The following OTOG variants were observed in gnomAD, a reference collection of about 807,000 sequenced individuals.
OTOG encodes the protein otogelin.
A neutral mutation model predicts 313.8 loss-of-function variants in OTOG; 296 were observed. The observed-to-expected ratio is 0.94, with a 90% CI of 0.86 to 1.04. The LOEUF (loss-of-function observed/expected upper bound fraction) is 1.04. Ranked by LOEUF, OTOG falls within the 50% of genes least tolerant of loss-of-function variation. OTOG has a pLI of 0.00. For synonymous variants in OTOG, 1,533 were observed against 1,554.9 expected, an observed-to-expected ratio of 0.99 and a Z score of 0.33; for missense variants, 3,948 against 3,840.1, an observed-to-expected ratio of 1.03 and a Z score of -0.74.
chr11:17,571,924 T>A (rs990026293), intron 17 of OTOG, among the ~76,000 whole-genome samples, 156 bp from the exon 18 acceptor site: 2 of 152,128 alleles, frequency 1.3e-5, no homozygotes, highest in Non-Finnish European at 2.9e-5. Flanking sequence ...CATATTTGGG[T>A]GAGTACACGT....
intron 4 of OTOG, 105 bp downstream of exon 4, chr11:17,552,180 C>G: frequency 8.9e-7 from 1 of 1,129,214 alleles, no homozygotes; most frequent in Non-Finnish European, 1.3e-6. Flanking sequence ...CCTCCATGAC[C>G]CCTTTTTCCT....
intron 39 of OTOG, among the ~76,000 whole-genome samples, chr11:17,626,948 G>A (rs1441999446): frequency 6.6e-6 from 1 of 152,284 alleles, no homozygotes; most frequent in East Asian, 1.9e-4. Flanking sequence ...AAATGCTACT[G>A]ATTTTTCTAT....
chr11:17,558,256 C>A lies in OTOG; in HGVS notation c.937C>A (p.Pro313Thr), dbSNP rs777809121. The change falls in exon 9 of 56, where the codon CCC becomes ACC. Residue 313 changes from proline (P) to threonine (T), a missense_variant. Physicochemically the swap from Pro to Thr is conservative, Grantham distance 38. Coordinates refer to ENST00000399397, the MANE Select transcript of OTOG (RefSeq NM_001292063.2). ...GCAGGCCCCTAACCAGCCTCCAGGG[C>A]CCACAACTTCCTCCCTGCCTCGCCC... ...QEQAPNQPPG[P>T]TTSSLPRPPC... 63 of 1,550,566 alleles carry A rather than the reference C, an allele frequency of 4.1e-5. No homozygotes were observed. Among genetic ancestry groups the A allele is most frequent in the Non-Finnish European group, 5.3e-5 (61 of 1,147,020 alleles).
intron 22 of OTOG, 136 bp downstream of exon 22, chr11:17,577,047 C>G: frequency 1.1e-6 from 1 of 904,344 alleles, no homozygotes; most frequent in East Asian, 2.7e-5. Context: ...ATTCCTTGCC[C>G]TCTTGGCAAA....
rs531303093 is a variant in OTOG at position 17,640,920 on chromosome 11, C to T, written c.8019C>T (p.Ala2673=). 7.1e-4 allele frequency: 1,098 copies of T among 1,548,388 alleles called. No homozygotes were observed. Among genetic ancestry groups the T allele is most frequent in the Non-Finnish European group, 8.9e-4 (1,020 of 1,146,894 alleles). ...CGCAKYECVK[A]PVCLSRELGV... ...CCCTGCATGCCCATCCAGTGAAGGC[C>T]CCGGTGTGTCTGAGCCGCGAGCTGG... Residue 2673 remains alanine (A), a synonymous_variant, in exon 51 of 56, where the codon GCC becomes GCT. Coordinates refer to ENST00000399397, the MANE Select transcript of OTOG (RefSeq NM_001292063.2).
chr11:17,596,834 C>G lies in OTOG; in HGVS notation c.3526-17C>G. The G allele has an allele frequency of 6.5e-7, 1 of 1,549,584 alleles. No individual in the cohort carries two copies. Among genetic ancestry groups the G allele is most frequent in the South Asian group, 1.2e-5 (1 of 83,858 alleles). On this transcript the variant is annotated splice_polypyrimidine_tract_variant and intron_variant, in intron 29 of 55. Coordinates refer to ENST00000399397, the MANE Select transcript of OTOG (RefSeq NM_001292063.2). ...TTGGGATCTGTCCTCTGACCTCTAA[C>G]TTCTGACCTTCTCCAGGTTGATGTC... is the stretch of plus-strand genomic sequence containing the variant.
At chr11:17,596,519 C>A (rs1047592315) in intron 29 of OTOG, among the ~76,000 whole-genome samples, 1 of 152,208 alleles carries the variant, frequency 6.6e-6, no homozygotes, top group African/African-American at 2.4e-5. Flanking sequence ...TGCATGGCAC[C>A]CTGCAGGCCT....
intron 24 of OTOG, among the ~76,000 whole-genome samples, chr11:17,589,480 A>T (rs913242234): frequency 3.9e-4 from 59 of 152,296 alleles, no homozygotes; most frequent in African/African-American, 1.4e-3. Flanking sequence ...TCTAAAGTGA[A>T]GTTCCTTCAC....
At chr11:17,547,543 G>T in intron 1 of OTOG, 77 bp downstream of exon 1, 1 of 1,275,700 alleles carries the variant, frequency 7.8e-7, no homozygotes, top group African/African-American at 1.5e-5. Flanking sequence ...ATGGGCCCGC[G>T]CAGGTTGGAG....
At chr11:17,548,264 T>A in intron 3 of OTOG, 52 bp downstream of exon 3, 1 of 1,464,012 alleles carries the variant, frequency 6.8e-7, no homozygotes, top group Non-Finnish European at 9.2e-7. Context: ...CATGTCTATC[T>A]GGATCTGAGG....
chr11:17,561,465 G>A (rs989082053), intron 14 of OTOG, among the ~76,000 whole-genome samples, 197 bp from the exon 15 acceptor site: 1 of 152,132 alleles, frequency 6.6e-6, no homozygotes, highest in African/African-American at 2.4e-5. Flanking sequence ...GGGCAGGGCT[G>A]TACCTCTCTT....
intron 23 of OTOG, among the ~76,000 whole-genome samples, chr11:17,578,801 G>A (rs972180158): frequency 8.5e-5 from 13 of 152,200 alleles, no homozygotes; most frequent in Admixed American, 2.6e-4. Flanking sequence ...GCTACTGTGA[G>A]GAATCAGTGA....
intron 7 of OTOG, among the ~76,000 whole-genome samples, chr11:17,556,145 T>C (rs946089925): frequency 1.3e-5 from 2 of 151,958 alleles, no homozygotes; most frequent in African/African-American, 4.8e-5. Flanking sequence ...TTCAGGAAAA[T>C]AGAGTTTTCC....
rs181062512 is a variant in OTOG at position 17,627,680 on chromosome 11, G to A, written c.6529-1453G>A. 1.0e-2 allele frequency among the ~76,000 whole-genome samples: 1,521 copies of A among 152,198 alleles called. 29 individuals are homozygous for A. The highest frequency in any genetic ancestry group is 0.035 in the African/African-American group (1,452 of 41,510). On this transcript the variant is annotated intron_variant, in intron 39 of 55. Transcript: ENST00000399397. ...GGTATTAACTCTTCTTCAAATGTTT[G>A]GTAGAAGTCAGCAGTGAAGCCATCG... is the stretch of plus-strand genomic sequence containing the variant.
At chr11:17,573,027 C>G in intron 18 of OTOG, 51 bp from the exon 19 acceptor site, 1 of 1,459,680 alleles carries the variant, frequency 6.9e-7, no homozygotes, top group Non-Finnish European at 9.3e-7. Context: ...TCCTGGGACA[C>G]CAGGTAGACC....
intron 39 of OTOG, among the ~76,000 whole-genome samples, chr11:17,617,293 A>G (rs1050856796): frequency 1.3e-5 from 2 of 152,176 alleles, no homozygotes; most frequent in Non-Finnish European, 2.9e-5. Flanking sequence ...ATAGTTTACT[A>G]TTGGTAGCAG....
chr11:17,591,888 G>C (rs1417289320), intron 25 of OTOG, among the ~76,000 whole-genome samples: 1 of 152,184 alleles, frequency 6.6e-6, no homozygotes, highest in Non-Finnish European at 1.5e-5. Flanking sequence ...TATGTACCTA[G>C]GGGCATATTG....
Position 17,612,613 on chromosome 11 carries a change from C to A in OTOG, c.6293-7C>A. ...CCTATTCTTCTTGTGCCCTGCCCCT[C>A]CCCCAGGCCGGTGCTCAATCTTCCC... On this transcript the variant is annotated splice_region_variant and splice_polypyrimidine_tract_variant and intron_variant, in intron 37 of 55. Transcript: ENST00000399397. 6.5e-7 allele frequency: 1 copy of A among 1,548,932 alleles called. No individual in the cohort carries two copies. The highest frequency in any genetic ancestry group is 8.7e-7 in the Non-Finnish European group (1 of 1,146,102).
At chr11:17,576,965 G>A in intron 22 of OTOG, 54 bp downstream of exon 22, 1 of 1,511,788 alleles carries the variant, frequency 6.6e-7, no homozygotes, top group Non-Finnish European at 8.9e-7. Flanking sequence ...TGGTAAAGGA[G>A]AGTGGGGAGT....
Sources: gnomAD v4.1 joint callset for allele counts (sites outside exome capture counted in the v4.1 genomes callset) on GRCh38, gnomAD v4.1.1 for gene constraint, MANE v1.5 for transcripts, NCBI Gene and HGNC (gene_info 2026-07-23, HGNC 2026-07-21) for gene names.